NFATC2: variants seen among roughly 807,000 people sequenced by gnomAD.
NFATC2 encodes nuclear factor of activated T-cells, cytoplasmic 2.
Under a neutral mutation model 87.3 loss-of-function variants are expected in NFATC2, and 22 were observed. The observed-to-expected ratio is 0.25, with a 90% CI of 0.18 to 0.36. The LOEUF (loss-of-function observed/expected upper bound fraction) is 0.36. Among genes scored for constraint, NFATC2 ranks in the 10% least tolerant of loss-of-function variants. The pLI is 1.00. For synonymous variants in NFATC2, 565 were observed against 542.2 expected (o/e 1.04, Z -0.58); for missense variants, 1,149 against 1,259.1 (o/e 0.91, Z 1.32).
chr20:51,530,000 G>T (rs2076607330), intron 1 of NFATC2, among the ~76,000 whole-genome samples: 1 of 152,022 alleles, frequency 6.6e-6, no homozygotes, highest in Admixed American at 6.6e-5. Flanking sequence ...GACGAGTTTT[G>T]CCAAATGTCA....
chr20:51,517,822 C>T (rs2076377911), intron 2 of NFATC2, among the ~76,000 whole-genome samples: 1 of 150,424 alleles, frequency 6.6e-6, no homozygotes, highest in Admixed American at 6.7e-5. Context: ...GAGGCTGAGG[C>T]ATGAGAATCA....
intron 9 of NFATC2, among the ~76,000 whole-genome samples, chr20:51,424,322 C>T (rs2146311619): frequency 6.6e-6 from 1 of 152,298 alleles, no homozygotes; most frequent in South Asian, 2.1e-4. Flanking sequence ...GAGTCAGCCT[C>T]CTGGCTCTTC....
At chr20:51,455,231 T>C (rs1383078824) in intron 5 of NFATC2, among the ~76,000 whole-genome samples, 1 of 152,218 alleles carries the variant, frequency 6.6e-6, no homozygotes, top group Non-Finnish European at 1.5e-5. Context: ...GATCTACCCA[T>C]GGGGTCCTTT....
intron 9 of NFATC2, among the ~76,000 whole-genome samples, chr20:51,426,706 T>C (rs1981887225): frequency 6.6e-6 from 1 of 152,144 alleles, no homozygotes; most frequent in Non-Finnish European, 1.5e-5. Flanking sequence ...AATCTGACTT[T>C]TGTTTGTATA....
intron 3 of NFATC2, among the ~76,000 whole-genome samples, chr20:51,477,536 T>TAC (rs1988826860): frequency 1.3e-4 from 2 of 14,882 alleles, no homozygotes; most frequent in Non-Finnish European, 2.3e-4. Flanking sequence ...TGTGTGTGTC[T>TAC]ATATATATAT....
chr20:51,401,527 T>G (rs1286419023), intron 9 of NFATC2, among the ~76,000 whole-genome samples: 1 of 152,148 alleles, frequency 6.6e-6, no homozygotes, highest in African/African-American at 2.4e-5. Context: ...TTGATCCACG[T>G]GAATGTGCTG....
rs763836299 is a variant in NFATC2 at position 51,435,317 on chromosome 20, A to T, written c.1906-3T>A. The T allele has an allele frequency of 6.2e-7, 1 of 1,614,160 alleles. No homozygotes were observed. The highest frequency in any genetic ancestry group is 8.5e-7 in the Non-Finnish European group (1 of 1,180,024). ...GGGATCTCAACAAAAAGCATGTTCT[A>T]TAAGGAAGGAGTTGTCATGAACTTA... is the stretch of plus-strand genomic sequence containing the variant. On this transcript the variant is annotated splice_region_variant and splice_polypyrimidine_tract_variant and intron_variant, in intron 7 of 10. Transcript: ENST00000371564.
intron 2 of NFATC2, among the ~76,000 whole-genome samples, chr20:51,519,119 C>T (rs2076400403): frequency 6.6e-6 from 1 of 152,118 alleles, no homozygotes; most frequent in African/African-American, 2.4e-5. Context: ...ACCAACGAGC[C>T]ACACGTGTCA....
chr20:51,432,062 C>A lies in NFATC2; in HGVS notation c.2722+5G>T. 1.3e-6 allele frequency: 2 copies of A among 1,519,354 alleles called. No individual in the cohort carries two copies. Among genetic ancestry groups the A allele is most frequent in the Non-Finnish European group, 1.8e-6 (2 of 1,132,058 alleles). 94.1% of individuals were successfully genotyped at this position (1,519,354 alleles called of 1,614,324 possible). A position where few individuals can be genotyped will look rare whatever the true frequency, so the allele number is the denominator to read the frequency against. ...ACAGGCAGTGACAAAACTCAAGCGT[C>A]TTACCATCATCCAAGTAGGTCTGGT... On this transcript the variant is annotated splice_donor_5th_base_variant and intron_variant, in intron 9 of 10. Transcript: ENST00000371564. This position sits in a 1 kb window ranked among gnomAD's most constrained non-coding sequence, Gnocchi z 4.6.
intron 9 of NFATC2, among the ~76,000 whole-genome samples, chr20:51,416,170 G>T (rs1312250819): frequency 6.6e-6 from 1 of 152,118 alleles, no homozygotes; most frequent in Non-Finnish European, 1.5e-5. Context: ...ACTGAGGCAG[G>T]AGAATCACTT....
At chr20:51,413,002 C>CT (rs1345338529) in intron 9 of NFATC2, among the ~76,000 whole-genome samples, 1 of 137,012 alleles carries the variant, frequency 7.3e-6, no homozygotes, top group African/African-American at 2.7e-5. Context: ...CGCCGCCCCC[C>CT]CCCCTCCCCG....
chr20:51,560,825 C>G (rs1352342158), intron 1 of NFATC2, among the ~76,000 whole-genome samples: 1 of 152,192 alleles, frequency 6.6e-6, no homozygotes, highest in African/African-American at 2.4e-5. Flanking sequence ...ACAAAATACC[C>G]ACATTTTGAA....
chr20:51,458,139 A>C (rs1246815052), intron 5 of NFATC2, among the ~76,000 whole-genome samples: 1 of 152,104 alleles, frequency 6.6e-6, no homozygotes, highest in Non-Finnish European at 1.5e-5. Context: ...GGCCTCCCGA[A>C]GTGTTGGGAT....
intron 6 of NFATC2, among the ~76,000 whole-genome samples, chr20:51,449,294 G>A (rs1184702856): frequency 6.6e-6 from 1 of 152,178 alleles, no homozygotes; most frequent in Non-Finnish European, 1.5e-5. Context: ...GTCCCGGGCT[G>A]GGAGGTGAGC....
chr20:51,515,755 G>T (rs1278312679), intron 3 of NFATC2, among the ~76,000 whole-genome samples: 1 of 151,742 alleles, frequency 6.6e-6, no homozygotes, highest in East Asian at 1.9e-4. Context: ...TTAATCAGAG[G>T]TACACACCCA....
chr20:51,443,167 A>ACCCC (rs11481110), intron 6 of NFATC2, among the ~76,000 whole-genome samples: 3 of 150,962 alleles, frequency 2.0e-5, no homozygotes, highest in African/African-American at 7.3e-5. Context: ...GCTCAGGGAG[A>ACCCC]CCCCCCCTTC....
At chr20:51,458,808 T>C (rs1030161432) in intron 5 of NFATC2, among the ~76,000 whole-genome samples, 1 of 151,828 alleles carries the variant, frequency 6.6e-6, no homozygotes, top group African/African-American at 2.4e-5. Context: ...GCGAGACTCC[T>C]CTCAAAAACA....
intron 3 of NFATC2, among the ~76,000 whole-genome samples, chr20:51,516,483 G>A (rs1162074498): frequency 6.6e-6 from 1 of 152,078 alleles, no homozygotes; most frequent in Non-Finnish European, 1.5e-5. Context: ...GAAACCTTCT[G>A]TCAACACACA....
At chr20:51,425,866 A>G (rs1477424391) in intron 9 of NFATC2, among the ~76,000 whole-genome samples, 3 of 152,134 alleles carry the variant, frequency 2.0e-5, no homozygotes, top group African/African-American at 7.2e-5. Context: ...CAGAGGCACA[A>G]CTGGCAAAAC....
Sources: gnomAD v4.1 joint callset for allele counts (sites outside exome capture counted in the v4.1 genomes callset) on GRCh38, gnomAD v4.1.1 for gene constraint, Gnocchi (gnomAD v3.1) non-coding constraint, MANE v1.5 for transcripts, NCBI Gene and HGNC (gene_info 2026-07-23, HGNC 2026-07-21) for gene names.